The following PHACTR1 variants were observed in gnomAD, a reference collection of about 807,000 sequenced individuals.
PHACTR1 encodes the protein phosphatase and actin regulator 1, also known as RPEL repeat containing 1.
Under a neutral mutation model 69.2 loss-of-function variants are expected in PHACTR1, and 16 were observed. The ratio of observed to expected loss-of-function variants is 0.23; its 90% confidence interval spans 0.16 to 0.35. The LOEUF is 0.35. PHACTR1 is among the 10% of genes least tolerant of loss of function. The pLI, the probability that PHACTR1 is intolerant of heterozygous loss-of-function variation, is 1.00. For synonymous variants in PHACTR1, 312 were observed against 284.5 expected (o/e 1.10, Z -0.97); for missense variants, 510 against 734.7 (o/e 0.69, Z 3.54).
At chr6:13,225,186 A>G (rs956015995) in intron 8 of PHACTR1, among the ~76,000 whole-genome samples, 1 of 152,210 alleles carries the variant, frequency 6.6e-6, no homozygotes. Context: ...TTCCTGATGC[A>G]TAGTTGGCAT....
At chr6:13,190,524 T>C (rs142291138) in intron 7 of PHACTR1, among the ~76,000 whole-genome samples, 1 of 152,074 alleles carries the variant, frequency 6.6e-6, no homozygotes, top group South Asian at 2.1e-4. Flanking sequence ...AATTATCTAG[T>C]TCTTCAAAAA....
At chr6:12,723,045 A>G (rs988796261) in intron 3 of PHACTR1, among the ~76,000 whole-genome samples, 4 of 152,190 alleles carry the variant, frequency 2.6e-5, no homozygotes, top group African/African-American at 9.7e-5. Flanking sequence ...GAACAATTGA[A>G]CTTGAAGAGA....
intron 7 of PHACTR1, among the ~76,000 whole-genome samples, chr6:13,187,409 C>T (rs577097536): frequency 1.3e-5 from 2 of 152,164 alleles, no homozygotes; most frequent in Admixed American, 6.5e-5. Context: ...GAAAGAAGAC[C>T]CTAGACAAAA....
rs749540742 is a variant in PHACTR1, at chr6:12,749,551, TCCCCTCCCCCTC to T, written c.104-88_104-77del. ...CCTTCCCTTCCTCTCCCCTCCCCCT[TCCCCTCCCCCTC>T]CCCCGTGCGCGAGCCTCTTCCTCTC... On this transcript the variant is annotated intron_variant, in intron 3 of 14. Coordinates refer to ENST00000332995, the MANE Select transcript of PHACTR1 (RefSeq NM_030948.6). 7.6e-5 allele frequency: 19 copies of T among 251,364 alleles called. No individual in the cohort carries two copies. The Admixed American group carries it at 7.6e-4, about 10-fold the overall frequency. 15.6% of individuals were successfully genotyped at this position (251,364 alleles called of 1,614,324 possible). A position where few individuals can be genotyped will look rare whatever the true frequency, so the allele number is the denominator to read the frequency against.
chr6:13,254,152 C>T (rs1240083683), intron 10 of PHACTR1, among the ~76,000 whole-genome samples: 3 of 152,024 alleles, frequency 2.0e-5, no homozygotes, highest in Middle Eastern at 3.2e-3. Context: ...TACTTGAACC[C>T]GGGAGGCGGA....
chr6:12,953,317 C>T (rs1329675463), intron 4 of PHACTR1, among the ~76,000 whole-genome samples: 1 of 152,072 alleles, frequency 6.6e-6, no homozygotes, highest in African/African-American at 2.4e-5. Flanking sequence ...AGCCAGACTC[C>T]ATCTCAAAAA....
rs374501224 is a variant in PHACTR1, at chr6:13,226,872, A to G, written c.987-944A>G. ...CCTGCCTCACCCTCCCAAGTAGCTG[A>G]GACTACAGGTGCGTGCCACCACACC... On this transcript the variant is annotated intron_variant, in intron 8 of 14. Transcript: ENST00000332995. Among the ~76,000 whole-genome samples the G allele has an allele frequency of 2.3e-4, 35 of 151,512 alleles. 1 individual carries two copies. Among genetic ancestry groups the G allele is most frequent in the Admixed American group, 1.2e-3 (18 of 15,182 alleles).
intron 5 of PHACTR1, among the ~76,000 whole-genome samples, chr6:13,068,738 G>A (rs1809048208): frequency 6.6e-6 from 1 of 152,176 alleles, no homozygotes; most frequent in Non-Finnish European, 1.5e-5. Context: ...TGGCCACTGA[G>A]GAAGTGCTTT....
chr6:12,913,455 TGTCTCCCCAG>T (rs1247434671), intron 4 of PHACTR1, among the ~76,000 whole-genome samples: 1 of 152,186 alleles, frequency 6.6e-6, no homozygotes, highest in African/African-American at 2.4e-5. Flanking sequence ...TCTGAGACCA[TGTCTCCCCAG>T]GAAATGTCCG....
intron 4 of PHACTR1, among the ~76,000 whole-genome samples, chr6:12,974,598 C>A (rs1015738815): frequency 2.0e-5 from 3 of 152,146 alleles, no homozygotes; most frequent in Non-Finnish European, 4.4e-5. Flanking sequence ...AATCAATTCA[C>A]CAACATTTTC....
intron 4 of PHACTR1, among the ~76,000 whole-genome samples, chr6:12,792,464 C>CAAAAAAAAAAAAAAAAA (rs60942588): frequency 1.3e-4 from 4 of 31,402 alleles, no homozygotes; most frequent in African/African-American, 2.3e-4. Context: ...AACTCCATGT[C>CAAAAAAAAAAAAAAAAA]AAAAAAAAAA....
intron 10 of PHACTR1, among the ~76,000 whole-genome samples, chr6:13,236,010 A>G (rs1386495687): frequency 6.6e-6 from 1 of 151,888 alleles, no homozygotes; most frequent in Non-Finnish European, 1.5e-5. Flanking sequence ...GGGGCTGTCT[A>G]CCTCCCTGAC....
intron 7 of PHACTR1, among the ~76,000 whole-genome samples, chr6:13,204,873 G>C (rs140596573): frequency 6.6e-6 from 1 of 152,326 alleles, no homozygotes; most frequent in East Asian, 1.9e-4. Flanking sequence ...GCATGCTGTT[G>C]GTGGACTTGA....
chr6:12,763,050 C>G (rs1270288458), intron 4 of PHACTR1, among the ~76,000 whole-genome samples: 1 of 152,140 alleles, frequency 6.6e-6, no homozygotes, highest in East Asian at 1.9e-4. Context: ...CCCGTCTCTA[C>G]TAAAAATACA....
At chr6:12,863,045 C>T (rs1256092951) in intron 4 of PHACTR1, among the ~76,000 whole-genome samples, 1 of 152,196 alleles carries the variant, frequency 6.6e-6, no homozygotes, top group Non-Finnish European at 1.5e-5. Flanking sequence ...CTGATAAATA[C>T]ATCACAATAA....
At chr6:12,988,970 G>A (rs1796504746) in intron 4 of PHACTR1, among the ~76,000 whole-genome samples, 1 of 152,214 alleles carries the variant, frequency 6.6e-6, no homozygotes, top group Admixed American at 6.5e-5. Flanking sequence ...AGTCCTCCAA[G>A]GAATACAGAT....
chr6:12,766,023 C>T (rs1478304265), intron 4 of PHACTR1, among the ~76,000 whole-genome samples: 1 of 152,212 alleles, frequency 6.6e-6, no homozygotes, highest in East Asian at 1.9e-4. Context: ...TAGTGTGTTT[C>T]TCCTCATTGA....
At chr6:12,933,839 G>A in intron 4 of PHACTR1, 1 of 1,612,778 alleles carries the variant, frequency 6.2e-7, no homozygotes, top group Non-Finnish European at 8.5e-7. Context: ...TGTTCAAGGA[G>A]CTAAGAGAAG....
At chr6:13,029,367 C>T (rs1273848308) in intron 4 of PHACTR1, among the ~76,000 whole-genome samples, 1 of 152,146 alleles carries the variant, frequency 6.6e-6, no homozygotes, top group Non-Finnish European at 1.5e-5. Flanking sequence ...ATTCATCTCG[C>T]AGCATCAGCC....
Sources: gnomAD v4.1 joint callset for allele counts (sites outside exome capture counted in the v4.1 genomes callset) on GRCh38, gnomAD v4.1.1 for gene constraint, MANE v1.5 for transcripts, NCBI Gene and HGNC (gene_info 2026-07-23, HGNC 2026-07-21) for gene names.